EXTL1: variants seen among roughly 807,000 people sequenced by gnomAD.
EXTL1 encodes exostosin-like 1.
EXTL1 carries 43 observed loss-of-function variants against 64.6 expected under a neutral mutation model. The observed-to-expected ratio is 0.67, with a 90% CI of 0.52 to 0.86. The LOEUF is 0.86. Ranked by LOEUF, EXTL1 falls within the 40% of genes least tolerant of loss-of-function variation. The pLI is 0.00. For missense variants in EXTL1, 766 were observed against 879.0 expected (o/e 0.87, Z 1.62); for synonymous variants, 352 against 360.5 (o/e 0.98, Z 0.27).
chr1:26,030,694 C>CA, intron 4 of EXTL1, 99 bp downstream of exon 4: 18 of 1,361,638 alleles, frequency 1.3e-5, no homozygotes, highest in Non-Finnish European at 1.7e-5. Context: ...GGAACCCCCC[C>CA]CCCTTCCTTG....
At position 26,023,167 on chromosome 1, in the gene EXTL1, A is replaced by C. The variant is rs761208846; in HGVS notation, c.521A>C (p.Gln174Pro). 6.2e-7 allele frequency: 1 copy of C among 1,613,910 alleles called. No homozygotes were observed. Among genetic ancestry groups the C allele is most frequent in the Non-Finnish European group, 8.5e-7 (1 of 1,180,008 alleles). The part of the protein sequence containing the change: ...LHPAPCPRTF[Q>P]LGQAMVAEAS... ...CCGGCTCCCTGCCCCAGGACCTTCC[A>C]GCTGGGACAGGCTATGGTGGCTGAG... Residue 174 changes from glutamine (Q) to proline (P), a missense_variant, in exon 1 of 11, where the codon CAG becomes CCG. Physicochemically the swap from Gln to Pro is moderately conservative, Grantham distance 76. Transcript: ENST00000374280.
In EXTL1 at chr1:26,034,778, A is replaced by G; in HGVS notation, c.1680-58A>G. On this transcript the variant is annotated intron_variant, in intron 9 of 10. Coordinates refer to ENST00000374280, the MANE Select transcript of EXTL1 (RefSeq NM_004455.3). The surrounding 1 kb of genome is among the most constrained non-coding windows in gnomAD (Gnocchi z 4.6). ...GAGAGGTGAGGTCAGGAGGGAGGAG[A>G]ATGGGGCCTGGGGATGGATTTGGCT... 6.4e-7 allele frequency: 1 copy of G among 1,555,830 alleles called. No individual in the cohort carries two copies. The highest frequency in any genetic ancestry group is 2.3e-5 in the East Asian group (1 of 44,352).
intron 1 of EXTL1, among the ~76,000 whole-genome samples, chr1:26,027,464 C>A (rs532775803): frequency 2.6e-5 from 4 of 152,250 alleles, no homozygotes; most frequent in African/African-American, 9.6e-5. Context: ...ATCATTACTA[C>A]TGCAGTCCAC....
chr1:26,030,992 G>A (rs1047113011), intron 4 of EXTL1, 140 bp from the exon 5 acceptor site: 2 of 970,392 alleles, frequency 2.1e-6, no homozygotes, highest in African/African-American at 3.3e-5. Context: ...GCAACATCAT[G>A]GAGTGCCCCC....
chr1:26,030,971 C>T (rs1057418788), intron 4 of EXTL1, among the ~76,000 whole-genome samples, 161 bp from the exon 5 acceptor site: 2 of 152,136 alleles, frequency 1.3e-5, no homozygotes, highest in Admixed American at 6.5e-5. Flanking sequence ...CCACCATCTC[C>T]CACCTCTGGA....
Position 26,033,413 on chromosome 1 carries a change from C to T in EXTL1, c.1518+98C>T. 9.5e-7 allele frequency: 1 copy of T among 1,051,258 alleles called. No individual in the cohort carries two copies. Among genetic ancestry groups the T allele is most frequent in the South Asian group, 1.3e-5 (1 of 78,152 alleles). The allele number at this position is 1,051,258 out of a possible 1,614,324, so 65.1% of individuals were successfully genotyped here. A position where few individuals can be genotyped will look rare whatever the true frequency, so the allele number is the denominator to read the frequency against. ...TCCCAGGGTTGAGGGGACCCCAGGT[C>T]ATGAGGTCCAGCCTCTTGCATTTGA... On this transcript the variant is annotated intron_variant, in intron 8 of 10. Transcript: ENST00000374280. This position sits in a 1 kb window ranked among gnomAD's most constrained non-coding sequence, Gnocchi z 5.1.
intron 4 of EXTL1, among the ~76,000 whole-genome samples, chr1:26,030,849 C>T (rs190869868): frequency 5.4e-4 from 83 of 152,322 alleles, no homozygotes; most frequent in Admixed American, 1.7e-3. Flanking sequence ...AGTTGACCGC[C>T]GATGGCTGCC....
intron 3 of EXTL1, among the ~76,000 whole-genome samples, chr1:26,030,000 G>C (rs2050265021): frequency 6.6e-6 from 1 of 152,168 alleles, no homozygotes; most frequent in Admixed American, 6.5e-5. Flanking sequence ...CCAATGGCCT[G>C]TGACTGCTTA....
Position 26,035,088 on chromosome 1 carries a change from G to T in EXTL1, c.1849-77G>T. On this transcript the variant is annotated intron_variant, in intron 10 of 10. Transcript: ENST00000374280. The surrounding 1 kb of genome is among the most constrained non-coding windows in gnomAD (Gnocchi z 5.3). ...GATTCCCTCTCACTGTCTAATTCCA[G>T]TCTTTCTTGCTGCACGGGCGTGGGG... is the stretch of plus-strand genomic sequence containing the variant. 1 of 1,594,042 alleles carries T rather than the reference G, an allele frequency of 6.3e-7. No homozygotes were observed. Among genetic ancestry groups the T allele is most frequent in the South Asian group, 1.1e-5 (1 of 89,488 alleles).
In EXTL1 at chr1:26,035,479, C is replaced by T; in HGVS notation, c.*132C>T. The T allele has an allele frequency of 3.7e-6, 3 of 811,190 alleles. No individual in the cohort carries two copies. Among genetic ancestry groups the T allele is most frequent in the Non-Finnish European group, 5.7e-6 (3 of 529,502 alleles). 50.2% of individuals were successfully genotyped at this position (811,190 alleles called of 1,614,324 possible). ...AGCCAGCGGGCCCACACGTCGGACC[C>T]CGGTTGGCCAATCACAACAGGGGGG... On this transcript the variant is annotated 3_prime_UTR_variant, in exon 11 of 11. Transcript: ENST00000374280. This position sits in a 1 kb window ranked among gnomAD's most constrained non-coding sequence, Gnocchi z 5.3.
rs759083542 is a variant in EXTL1 at position 26,034,155 on chromosome 1, A to G, written c.1679+299A>G. On this transcript the variant is annotated intron_variant, in intron 9 of 10. Coordinates refer to ENST00000374280, the MANE Select transcript of EXTL1 (RefSeq NM_004455.3). The surrounding 1 kb of genome is among the most constrained non-coding windows in gnomAD (Gnocchi z 4.6). ...TTGAAGTAGAGCCATGCAGTGAGTAAGGGCAGTGTGTGGGTTTGCTGGTGG... is the reference window on the plus strand; with the variant it reads ...TTGAAGTAGAGCCATGCAGTGAGTAGGGGCAGTGTGTGGGTTTGCTGGTGG... Among the ~76,000 whole-genome samples the G allele has an allele frequency of 8.5e-5, 13 of 152,242 alleles. No individual in the cohort carries two copies. Among genetic ancestry groups the G allele is most frequent in the Non-Finnish European group, 1.9e-4 (13 of 68,030 alleles).
chr1:26,033,180 G>C lies in EXTL1; in HGVS notation c.1432-49G>C. On this transcript the variant is annotated intron_variant, in intron 7 of 10. Transcript: ENST00000374280. The surrounding 1 kb of genome is among the most constrained non-coding windows in gnomAD (Gnocchi z 5.1). ...AATGGCTCCTACTTATTGGATGGGGGTGGGGGGAATGTTCCAATGGCTGAG... is the reference window on the plus strand; with the variant it reads ...AATGGCTCCTACTTATTGGATGGGGCTGGGGGGAATGTTCCAATGGCTGAG... 1 of 1,309,546 alleles carries C rather than the reference G, an allele frequency of 7.6e-7. No individual in the cohort carries two copies. The highest frequency in any genetic ancestry group is 1.2e-5 in the South Asian group (1 of 84,874). The allele number at this position is 1,309,546 out of a possible 1,614,324, so 81.1% of individuals were successfully genotyped here.
Position 26,032,490 on chromosome 1 carries a change from G to T in EXTL1, c.1431+5G>T, listed in dbSNP as rs1184920280. 1.9e-6 allele frequency: 3 copies of T among 1,549,220 alleles called. No individual in the cohort carries two copies. In the Admixed American group the frequency reaches 5.9e-5, roughly 30 times the overall value. On this transcript the variant is annotated splice_donor_5th_base_variant and intron_variant, in intron 7 of 10. Transcript: ENST00000374280. ...GTCATTGATGGGCACAGGAAGGTAAGGGATGAGGAGAGCCATGAAAGGGGT... is the reference window on the plus strand; with the variant it reads ...GTCATTGATGGGCACAGGAAGGTAATGGATGAGGAGAGCCATGAAAGGGGT...
intron 1 of EXTL1, among the ~76,000 whole-genome samples, chr1:26,028,260 A>C (rs1215138934): frequency 6.6e-6 from 1 of 152,218 alleles, no homozygotes; most frequent in Non-Finnish European, 1.5e-5. Flanking sequence ...ACTCAACCCT[A>C]TCTGTGACCC....
intron 1 of EXTL1, among the ~76,000 whole-genome samples, chr1:26,028,832 G>A (rs1252649181): frequency 3.3e-5 from 5 of 152,212 alleles, no homozygotes; most frequent in Non-Finnish European, 4.4e-5. Flanking sequence ...GAGGGCAGAC[G>A]TGCATGTCTA....
chr1:26,033,987 TG>T lies in EXTL1; in HGVS notation c.1679+132del. On this transcript the variant is annotated intron_variant, in intron 9 of 10. Transcript: ENST00000374280. The surrounding 1 kb of genome is among the most constrained non-coding windows in gnomAD (Gnocchi z 5.1). ...AGGCCGAGATCTGCCACTTCCCAGC[TG>T]TGGGATCCTGGGCAAATCTCCTCAC... 1 of 784,464 alleles carries T rather than the reference TG, an allele frequency of 1.3e-6. No individual in the cohort carries two copies. Among genetic ancestry groups the T allele is most frequent in the East Asian group, 3.0e-5 (1 of 33,026 alleles). The allele number at this position is 784,464 out of a possible 1,614,324, so 48.6% of individuals were successfully genotyped here.
In EXTL1 at chr1:26,035,342, C is replaced by T; in HGVS notation, c.2026C>T (p.Pro676Ser). The T allele has an allele frequency of 1.2e-6, 2 of 1,602,502 alleles. No individual in the cohort carries two copies. Among genetic ancestry groups the T allele is most frequent in the Non-Finnish European group, 1.7e-6 (2 of 1,172,310 alleles). ...CAAGAAGTACCGCAGCCTGGAGAAG[C>T]CCTAGGGGGGCGACCCGCGGAGACC... is the stretch of plus-strand genomic sequence containing the variant. ...QRKKYRSLEK[P>S] The change falls in exon 11 of 11, where the codon CCC becomes TCC. Residue 676 changes from proline (P) to serine (S), a missense_variant. Coordinates refer to ENST00000374280, the MANE Select transcript of EXTL1 (RefSeq NM_004455.3). This position sits in a 1 kb window ranked among gnomAD's most constrained non-coding sequence, Gnocchi z 5.3.
At chr1:26,032,273 C>A in intron 6 of EXTL1, 123 bp from the exon 7 acceptor site, 3 of 660,474 alleles carry the variant, frequency 4.5e-6, no homozygotes, top group Non-Finnish European at 8.2e-6. Context: ...ACCCTTCTCC[C>A]ATGTGCAGTT....
In EXTL1 at chr1:26,033,459, C is replaced by T. The variant is rs2050309029; in HGVS notation, c.1518+144C>T. On this transcript the variant is annotated intron_variant, in intron 8 of 10. Coordinates refer to ENST00000374280, the MANE Select transcript of EXTL1 (RefSeq NM_004455.3). The surrounding 1 kb of genome is among the most constrained non-coding windows in gnomAD (Gnocchi z 5.1). ...TTTGAAACCACCCCAGCAAGCCAGG[C>T]AGCCTCCTCTTTAGGAGTCTCGTTG... is the stretch of plus-strand genomic sequence containing the variant. 2.6e-6 allele frequency: 2 copies of T among 772,860 alleles called. No homozygotes were observed. The highest frequency in any genetic ancestry group is 2.2e-6 in the Non-Finnish European group (1 of 459,910). The allele number at this position is 772,860 out of a possible 1,614,324, so 47.9% of individuals were successfully genotyped here.
Sources: gnomAD v4.1 joint callset for allele counts (sites outside exome capture counted in the v4.1 genomes callset) on GRCh38, gnomAD v4.1.1 for gene constraint, Gnocchi (gnomAD v3.1) non-coding constraint, MANE v1.5 for transcripts, NCBI Gene and HGNC (gene_info 2026-07-23, HGNC 2026-07-21) for gene names.